Variants in ATP23 observed in about 807,000 individuals in gnomAD.
The protein encoded by ATP23 is ATP23 metallopeptidase and ATP synthase assembly factor homolog.
Under a neutral mutation model 28.5 loss-of-function variants are expected in ATP23, and 24 were observed. The ratio of observed to expected loss-of-function variants is 0.84; its 90% CI spans 0.61 to 1.18. The LOEUF is 1.18. Ranked by LOEUF, ATP23 falls within the 50% of genes most tolerant of loss-of-function variation. ATP23 has a pLI of 0.00. For missense variants in ATP23, 274 were observed against 306.4 expected (o/e 0.89, Z 0.79); for synonymous variants, 99 against 108.6 (o/e 0.91, Z 0.55).
At position 57,945,772 on chromosome 12, in the gene ATP23, C is replaced by A; in HGVS notation, c.233+99C>A. Reference sequence around the variant, plus strand: ...GAACTGCTTAAGATTTCTCTGAGGTCACAAAGTCTTTTCCATAGGGTAAAT... The same window carrying A: ...GAACTGCTTAAGATTTCTCTGAGGTAACAAAGTCTTTTCCATAGGGTAAAT... On this transcript the variant is annotated intron_variant, in intron 2 of 5. Transcript: ENST00000300145. 8.7e-7 allele frequency: 1 copy of A among 1,144,314 alleles called. No individual in the cohort carries two copies. Among genetic ancestry groups the A allele is most frequent in the Non-Finnish European group, 1.3e-6 (1 of 763,350 alleles). 70.9% of individuals were successfully genotyped at this position (1,144,314 alleles called of 1,614,324 possible). A position where few individuals can be genotyped will look rare whatever the true frequency, so the allele number is the denominator to read the frequency against.
chr12:57,946,912 G>A, intron 2 of ATP23, 83 bp from the exon 3 acceptor site: 2 of 1,133,668 alleles, frequency 1.8e-6, no homozygotes, highest in Non-Finnish European at 2.6e-6. Flanking sequence ...ACTATATGGT[G>A]GAGGGTCTCC....
At chr12:57,948,914 G>A (rs1480976245) in intron 3 of ATP23, among the ~76,000 whole-genome samples, 1 of 152,178 alleles carries the variant, frequency 6.6e-6, no homozygotes, top group Non-Finnish European at 1.5e-5. Context: ...GCATTTTGTA[G>A]TATTATGAAA....
At chr12:57,946,939 G>A in intron 2 of ATP23, 56 bp from the exon 3 acceptor site, 1 of 1,539,876 alleles carries the variant, frequency 6.5e-7, no homozygotes, top group African/African-American at 1.4e-5. Flanking sequence ...CTGGCCCAGG[G>A]CTGTTTGCCA....
intron 3 of ATP23, among the ~76,000 whole-genome samples, chr12:57,949,574 G>A (rs1410327898): frequency 6.6e-6 from 1 of 152,084 alleles, no homozygotes; most frequent in Non-Finnish European, 1.5e-5. Flanking sequence ...GCTCACTACA[G>A]CCTTGAACTC....
At chr12:57,942,064 GGC>G (rs1247413359) in intron 1 of ATP23, among the ~76,000 whole-genome samples, 176 bp downstream of exon 1, 1 of 152,224 alleles carries the variant, frequency 6.6e-6, no homozygotes, top group Non-Finnish European at 1.5e-5. Context: ...CACTAGAGGT[GGC>G]GCTGAGACCC....
In ATP23 at chr12:57,951,828, A is replaced by C; in HGVS notation, c.386A>C (p.His129Pro). The change falls in exon 4 of 6, where the codon CAT becomes CCT. Residue 129 changes from histidine (H) to proline (P), a missense_variant. Physicochemically the swap from His to Pro is moderately conservative, Grantham distance 77. Transcript: ENST00000300145. ...MNRVVTHELI[H>P]AFDHCRAHVD... ...AGAGTGGTCACACACGAGCTTATTC[A>C]TGCATTTGATCATTGTCGTGCCCAT... 1 of 1,614,196 alleles carries C rather than the reference A, an allele frequency of 6.2e-7. No homozygotes were observed. The highest frequency in any genetic ancestry group is 8.5e-7 in the Non-Finnish European group (1 of 1,180,032).
At chr12:57,941,941 G>A in intron 1 of ATP23, 53 bp downstream of exon 1, 1 of 1,585,696 alleles carries the variant, frequency 6.3e-7, no homozygotes, top group Non-Finnish European at 8.6e-7. Context: ...CTGAGACCGG[G>A]TGGGCGAGGA....
chr12:57,955,822 G>T (rs964971432), intron 5 of ATP23, among the ~76,000 whole-genome samples: 2 of 152,196 alleles, frequency 1.3e-5, no homozygotes, highest in African/African-American at 2.4e-5. Context: ...AATATCTCCA[G>T]CTTGAGCACA....
rs1555216134 is a variant in ATP23, at chr12:57,941,774, T to TGCAA, written c.75_76insAAGC (p.Gln26LysfsTer31). 6.2e-7 allele frequency: 1 copy of TGCAA among 1,602,824 alleles called. No individual in the cohort carries two copies. Among genetic ancestry groups the TGCAA allele is most frequent in the Non-Finnish European group, 8.5e-7 (1 of 1,175,280 alleles). On this transcript the variant is annotated frameshift_variant, in exon 1 of 6. Transcript: ENST00000300145. LOFTEE classifies it high-confidence loss of function. ...GCAGCTGCAGCAGCAACACGTCTCT[T>TGCAA]GCCAGGTCTTCCCCGAGCGTCTGGC...
At chr12:57,956,374 GT>G (rs1341250066) in intron 5 of ATP23, among the ~76,000 whole-genome samples, 1 of 147,824 alleles carries the variant, frequency 6.8e-6, no homozygotes, top group African/African-American at 2.5e-5. Context: ...TTTTTGGCGA[GT>G]TTGCAAATTG....
At chr12:57,956,353 CTT>C (rs530261008) in intron 5 of ATP23, among the ~76,000 whole-genome samples, 14 of 136,010 alleles carry the variant, frequency 1.0e-4, no homozygotes, top group East Asian at 2.1e-4. Flanking sequence ...ACTTTATAGA[CTT>C]TTTTTTTTTT....
At chr12:57,943,977 GTC>G (rs1487157174) in intron 1 of ATP23, among the ~76,000 whole-genome samples, 1 of 143,558 alleles carries the variant, frequency 7.0e-6, no homozygotes, top group Non-Finnish European at 1.5e-5. Context: ...CCTCATGGGA[GTC>G]TCTTTTTTTT....
intron 3 of ATP23, among the ~76,000 whole-genome samples, chr12:57,948,715 A>G (rs370852143): frequency 2.0e-4 from 30 of 152,146 alleles, no homozygotes; most frequent in African/African-American, 7.2e-4. Flanking sequence ...GAAAAAGAAC[A>G]TTACTAGGAC....
intron 5 of ATP23, among the ~76,000 whole-genome samples, chr12:57,955,066 C>T (rs1011557436): frequency 6.6e-6 from 1 of 151,884 alleles, no homozygotes; most frequent in Admixed American, 6.6e-5. Context: ...AGGGTGGAAG[C>T]AGGGTACACA....
At chr12:57,954,194 C>CA (rs11357155) in intron 5 of ATP23, among the ~76,000 whole-genome samples, 1,075 of 70,982 alleles carry the variant, frequency 0.015, 41 homozygotes, top group African/African-American at 0.041. Context: ...GACTCCATCT[C>CA]AAAAAAAAAA....
At chr12:57,946,854 G>C in intron 2 of ATP23, 141 bp from the exon 3 acceptor site, 3 of 639,554 alleles carry the variant, frequency 4.7e-6, no homozygotes, top group Non-Finnish European at 8.2e-6. Context: ...TCCTGAAGAT[G>C]TTGTTTCTTT....
chr12:57,946,917 G>A (rs1956767186), intron 2 of ATP23, 78 bp from the exon 3 acceptor site: 1 of 1,222,248 alleles, frequency 8.2e-7, no homozygotes, highest in African/African-American at 1.5e-5. Context: ...ATGGTGGAGG[G>A]TCTCCTGAGC....
At position 57,947,030 on chromosome 12, in the gene ATP23, A is replaced by G. The variant is rs1956768953; in HGVS notation, c.269A>G (p.Asp90Gly). 3.1e-6 allele frequency: 5 copies of G among 1,613,954 alleles called. No homozygotes were observed. The highest frequency in any genetic ancestry group is 4.2e-6 in the Non-Finnish European group (5 of 1,179,962). ...AAAGATAGACACTTTTCTTGCGAAG[A>G]CTGTAATGGAAATGTCAGTGGAGGT... ...VNKDRHFSCE[D>G]CNGNVSGGFD... Residue 90 changes from aspartate (D) to glycine (G), a missense_variant, in exon 3 of 6, where the codon GAC (aspartate) becomes GGC (glycine). Physicochemically the swap from Asp to Gly is moderately conservative, Grantham distance 94. Transcript: ENST00000300145.
chr12:57,953,600 T>G lies in ATP23; in HGVS notation c.454-6T>G. The G allele has an allele frequency of 6.2e-7, 1 of 1,613,320 alleles. No homozygotes were observed. The highest frequency in any genetic ancestry group is 8.5e-7 in the Non-Finnish European group (1 of 1,179,502). The stretch of plus-strand genomic sequence containing the variant: ...TATTTCTTTTTATTTGTCTTCTGTG[T>G]GATAGGTTCGAGCTGCTAACCTTAG... On this transcript the variant is annotated splice_polypyrimidine_tract_variant and splice_region_variant and intron_variant, in intron 4 of 5. Coordinates refer to ENST00000300145, the MANE Select transcript of ATP23 (RefSeq NM_033276.4).
Sources: allele counts gnomAD v4.1 joint callset (sites outside exome capture counted in the v4.1 genomes callset), GRCh38; gene constraint gnomAD v4.1.1; transcripts MANE v1.5; gene names NCBI Gene and HGNC (gene_info 2026-07-23, HGNC 2026-07-21).